Variants in ANKRD13C observed in about 807,000 individuals in gnomAD.
The protein encoded by ANKRD13C is ankyrin repeat domain-containing protein 13C.
Under a neutral mutation model 65.5 loss-of-function variants are expected in ANKRD13C, and 16 were observed. That is an observed-to-expected ratio of 0.24 (90% confidence interval 0.17 to 0.37). ANKRD13C has a LOEUF of 0.37. Ranked by LOEUF, ANKRD13C falls within the 10% of genes least tolerant of loss-of-function variation. The pLI is 1.00. For missense variants in ANKRD13C, 503 were observed against 655.9 expected, an observed-to-expected ratio of 0.77 and a Z score of 2.55; for synonymous variants, 235 against 238.7, an observed-to-expected ratio of 0.98 and a Z score of 0.14.
At chr1:70,295,552 T>C (rs1168428678) in intron 8 of ANKRD13C, among the ~76,000 whole-genome samples, 1 of 152,070 alleles carries the variant, frequency 6.6e-6, no homozygotes, top group Admixed American at 6.6e-5. Context: ...AGCCTCAAAA[T>C]TTTCCGAATA....
intron 5 of ANKRD13C, among the ~76,000 whole-genome samples, chr1:70,308,687 C>T (rs565560451): frequency 1.4e-5 from 2 of 143,092 alleles, no homozygotes; most frequent in South Asian, 2.2e-4. Context: ...TGCAGTGAGC[C>T]GAGATTGCGC....
intron 3 of ANKRD13C, among the ~76,000 whole-genome samples, chr1:70,323,633 C>T (rs1027369678): frequency 3.3e-5 from 5 of 149,992 alleles, no homozygotes; most frequent in African/African-American, 7.4e-5. Flanking sequence ...GGTGACAGGG[C>T]GAGACTCCCT....
intron 2 of ANKRD13C, among the ~76,000 whole-genome samples, chr1:70,327,366 G>A (rs773178885): frequency 1.3e-5 from 2 of 152,144 alleles, no homozygotes; most frequent in African/African-American, 2.4e-5. Context: ...TAAAGAACAG[G>A]TTAAGAAACA....
chr1:70,322,573 TTTTG>T (rs1681356446), intron 3 of ANKRD13C, among the ~76,000 whole-genome samples: 1 of 152,154 alleles, frequency 6.6e-6, no homozygotes. Flanking sequence ...TCCATGAAAA[TTTTG>T]TTTATTGGCC....
At chr1:70,274,473 C>CA (rs769480539) in intron 11 of ANKRD13C, among the ~76,000 whole-genome samples, 2,587 of 37,718 alleles carry the variant, frequency 0.069, 193 homozygotes, top group African/African-American at 0.15. Context: ...GACTCCATCT[C>CA]AAAAAAAAAA....
intron 9 of ANKRD13C, among the ~76,000 whole-genome samples, chr1:70,281,821 C>G (rs1304477030): frequency 6.6e-6 from 1 of 151,364 alleles, no homozygotes; most frequent in Non-Finnish European, 1.5e-5. Context: ...CCAAGGCGGG[C>G]AGATCACCTG....
At chr1:70,298,242 C>G (rs1325162226) in intron 7 of ANKRD13C, among the ~76,000 whole-genome samples, 1 of 152,144 alleles carries the variant, frequency 6.6e-6, no homozygotes, top group African/African-American at 2.4e-5. Context: ...CCTTACATTT[C>G]AAACATCCTA....
chr1:70,316,867 C>T (rs187631822), intron 3 of ANKRD13C, among the ~76,000 whole-genome samples: 17 of 152,134 alleles, frequency 1.1e-4, no homozygotes, highest in African/African-American at 3.6e-4. Context: ...CATATATACA[C>T]GCTAGTTTCC....
At chr1:70,332,410 G>T (rs1274892556) in intron 2 of ANKRD13C, among the ~76,000 whole-genome samples, 1 of 152,120 alleles carries the variant, frequency 6.6e-6, no homozygotes, top group Non-Finnish European at 1.5e-5. Context: ...AACTAATGTG[G>T]TTTTTCTCCT....
At chr1:70,263,172 T>C (rs1678461292) in intron 12 of ANKRD13C, among the ~76,000 whole-genome samples, 1 of 152,162 alleles carries the variant, frequency 6.6e-6, no homozygotes, top group Non-Finnish European at 1.5e-5. Flanking sequence ...ACAGCTACTT[T>C]TGTGCTTTTT....
intron 1 of ANKRD13C, among the ~76,000 whole-genome samples, chr1:70,350,842 T>C (rs1186848839): frequency 1.3e-5 from 2 of 152,166 alleles, no homozygotes; most frequent in African/African-American, 4.8e-5. Context: ...GGCTTATTTT[T>C]CTTATTTTTA....
rs1000226569 is a variant in ANKRD13C, at chr1:70,354,228, G to C, written c.181C>G (p.Leu61Val). 6.2e-7 allele frequency: 1 copy of C among 1,613,622 alleles called. No homozygotes were observed. Among genetic ancestry groups the C allele is most frequent in the Non-Finnish European group, 8.5e-7 (1 of 1,180,032 alleles). Residue 61 changes from leucine to valine, a missense_variant, in exon 1 of 13, where the codon CTA (leucine) becomes GTA (valine). By Grantham distance (32) the Leu-to-Val change is conservative. Around this residue, in one of 2 missense-constraint regions of ANKRD13C, gnomAD observed 203 missense variants for 177.6 expected, o/e 1.14. Coordinates refer to ENST00000370944, the MANE Select transcript of ANKRD13C (RefSeq NM_030816.5). ...GAGGCCGGAGCTGCCTTCAGCTGTA[G>C]CCGGTGGTGATGGTTACTGAAGATC... The part of the protein sequence containing the change: ...HKIFSNHHHR[L>V]QLKAAPASSN...
At chr1:70,337,094 G>A (rs1028463203) in intron 1 of ANKRD13C, among the ~76,000 whole-genome samples, 1 of 151,656 alleles carries the variant, frequency 6.6e-6, no homozygotes, top group African/African-American at 2.4e-5. Context: ...CATAAGAGAT[G>A]TGCATGTGAT....
At chr1:70,305,975 T>C in intron 6 of ANKRD13C, 1 of 211,778 alleles carries the variant, frequency 4.7e-6, no homozygotes, top group Non-Finnish European at 9.6e-6. Context: ...TAAATAAGAA[T>C]AATATCTTTG....
intron 1 of ANKRD13C, among the ~76,000 whole-genome samples, chr1:70,351,930 A>T (rs1357836411): frequency 6.6e-6 from 1 of 152,166 alleles, no homozygotes; most frequent in Non-Finnish European, 1.5e-5. Context: ...GCATGTACAC[A>T]TTGCAGGGGG....
chr1:70,316,140 G>A (rs145309779), intron 3 of ANKRD13C, among the ~76,000 whole-genome samples: 1 of 152,078 alleles, frequency 6.6e-6, no homozygotes, highest in African/African-American at 2.4e-5. Flanking sequence ...TTTACCACTG[G>A]AGGATATACC....
chr1:70,293,293 A>C (rs1399671775), intron 8 of ANKRD13C, among the ~76,000 whole-genome samples: 1 of 152,076 alleles, frequency 6.6e-6, no homozygotes, highest in African/African-American at 2.4e-5. Flanking sequence ...TAAAAAAAAA[A>C]CAAAAAAAAG....
chr1:70,299,631 T>G (rs1162346784), intron 7 of ANKRD13C, among the ~76,000 whole-genome samples: 1 of 151,842 alleles, frequency 6.6e-6, no homozygotes, highest in East Asian at 1.9e-4. Context: ...AAACACAGAG[T>G]ACAAGAAAAG....
At chr1:70,314,520 T>C (rs975285814) in intron 4 of ANKRD13C, among the ~76,000 whole-genome samples, 7 of 151,840 alleles carry the variant, frequency 4.6e-5, no homozygotes, top group African/African-American at 7.3e-5. Context: ...TCACCATGCC[T>C]GGCCGAAAAA....
Sources: allele counts gnomAD v4.1 joint callset (sites outside exome capture counted in the v4.1 genomes callset), GRCh38; gene constraint gnomAD v4.1.1; regional missense constraint gnomAD v4.1.1; transcripts MANE v1.5; gene names NCBI Gene and HGNC (gene_info 2026-07-23, HGNC 2026-07-21).